Variants in PIK3R3 observed in about 807,000 individuals in gnomAD.
PIK3R3 encodes the protein phosphatidylinositol 3-kinase regulatory subunit gamma.
PIK3R3 carries 64 observed loss-of-function variants against 62.9 expected under a neutral mutation model. The observed-to-expected ratio is 1.02, with a 90% CI of 0.83 to 1.25. The LOEUF (loss-of-function observed/expected upper bound fraction) is 1.25. Among genes scored for constraint, PIK3R3 ranks in the 50% most tolerant of loss-of-function variants. The pLI is 0.00. For missense variants in PIK3R3, 614 were observed against 561.6 expected, an observed-to-expected ratio of 1.09 and a Z score of -0.94; for synonymous variants, 165 against 189.0, an observed-to-expected ratio of 0.87 and a Z score of 1.04.
In PIK3R3 at chr1:46,045,913, C is replaced by T. The variant is rs1647103256; in HGVS notation, c.1187+5G>A. ...CAAAAGGTTATATCCCCAGAGAAGACTTACACCACAGAGCAAGCATAGCAT... is the reference window on the plus strand; with the variant it reads ...CAAAAGGTTATATCCCCAGAGAAGATTTACACCACAGAGCAAGCATAGCAT... On this transcript the variant is annotated splice_donor_5th_base_variant and intron_variant, in intron 9 of 9. Coordinates refer to ENST00000262741, the MANE Select transcript of PIK3R3 (RefSeq NM_003629.4). The T allele has an allele frequency of 6.2e-7, 1 of 1,610,520 alleles. No individual in the cohort carries two copies. Among genetic ancestry groups the T allele is most frequent in the Non-Finnish European group, 8.5e-7 (1 of 1,177,218 alleles).
At chr1:46,173,874 C>A in the PIK3R3 span, among the ~76,000 whole-genome samples, 1 of 152,176 alleles carries the variant, frequency 6.6e-6, no homozygotes, top group Non-Finnish European at 1.5e-5. Flanking sequence ...CATGCACACA[C>A]ACATACTACA....
At chr1:46,104,107 T>C (rs974171302) in intron 1 of PIK3R3, among the ~76,000 whole-genome samples, 14 of 151,976 alleles carry the variant, frequency 9.2e-5, no homozygotes, top group African/African-American at 3.4e-4. Context: ...TTTGTATTTT[T>C]AGTAGAGGCA....
intron 6 of PIK3R3, among the ~76,000 whole-genome samples, chr1:46,060,898 A>G (rs891963710): frequency 2.0e-5 from 3 of 152,240 alleles, no homozygotes; most frequent in African/African-American, 7.2e-5. Flanking sequence ...TATCCACTTT[A>G]GCACTCAACC....
the PIK3R3 span, among the ~76,000 whole-genome samples, chr1:46,149,827 G>A: frequency 2.0e-5 from 3 of 152,066 alleles, no homozygotes; most frequent in East Asian, 1.9e-4. Flanking sequence ...CTCCGCACCC[G>A]GCCAAGAAGT....
chr1:46,174,678 C>T, the PIK3R3 span, among the ~76,000 whole-genome samples: 1 of 152,124 alleles, frequency 6.6e-6, no homozygotes, highest in Non-Finnish European at 1.5e-5. Context: ...CCACAGAAAC[C>T]CGGTTACAGC....
intron 7 of PIK3R3, among the ~76,000 whole-genome samples, chr1:46,048,957 C>T (rs1251027073): frequency 3.9e-5 from 6 of 152,010 alleles, no homozygotes; most frequent in African/African-American, 1.5e-4. Context: ...TTAATGTTAT[C>T]GAATCATGCA....
intron 5 of PIK3R3, among the ~76,000 whole-genome samples, chr1:46,065,782 T>C (rs1056613485): frequency 6.6e-6 from 1 of 152,242 alleles, no homozygotes; most frequent in Non-Finnish European, 1.5e-5. Context: ...CTAACACCCC[T>C]GTAGTGCCTA....
chr1:46,159,129 A>T, the PIK3R3 span, among the ~76,000 whole-genome samples: 2 of 151,774 alleles, frequency 1.3e-5, no homozygotes, highest in Non-Finnish European at 2.9e-5. Flanking sequence ...ATAAAATAAA[A>T]TGGCAAATAA....
At chr1:46,061,107 G>A (rs1183918314) in intron 6 of PIK3R3, among the ~76,000 whole-genome samples, 1 of 152,090 alleles carries the variant, frequency 6.6e-6, no homozygotes, top group Non-Finnish European at 1.5e-5. Context: ...ATAATCAGCT[G>A]CCTGCCCCCT....
chr1:46,153,518 C>T, the PIK3R3 span, among the ~76,000 whole-genome samples: 5,211 of 152,316 alleles, frequency 0.034, 294 homozygotes, highest in African/African-American at 0.12. Context: ...GCTGCTGCCA[C>T]CTCTGCTGAT....
the PIK3R3 span, among the ~76,000 whole-genome samples, chr1:46,155,347 A>G: frequency 6.6e-6 from 1 of 151,828 alleles, no homozygotes; most frequent in Non-Finnish European, 1.5e-5. Flanking sequence ...GAAAAAAAAA[A>G]ACAAAAAACA....
At chr1:46,122,536 T>C (rs1413855561) in intron 1 of PIK3R3, among the ~76,000 whole-genome samples, 1 of 152,038 alleles carries the variant, frequency 6.6e-6, no homozygotes, top group Non-Finnish European at 1.5e-5. Context: ...CCTGGCTAAT[T>C]TTTTTATTTT....
intron 1 of PIK3R3, among the ~76,000 whole-genome samples, chr1:46,099,402 T>G (rs1044223427): frequency 6.6e-6 from 1 of 152,192 alleles, no homozygotes; most frequent in African/African-American, 2.4e-5. Context: ...AAGGTTGGTT[T>G]TCCCTCAGGC....
chr1:46,073,825 G>A lies in PIK3R3; in HGVS notation c.314+3690C>T, dbSNP rs188386965. 3.2e-3 allele frequency among the ~76,000 whole-genome samples: 465 copies of A among 147,454 alleles called. 6 individuals are homozygous for A. The highest frequency in any genetic ancestry group is 0.03 in the East Asian group (146 of 4,872). On this transcript the variant is annotated intron_variant, in intron 3 of 9. Coordinates refer to ENST00000262741, the MANE Select transcript of PIK3R3 (RefSeq NM_003629.4). ...TTTTTTTAGTATTTTTAGTAGAGAC[G>A]GGGTTTCACCATGTTGGCCAGGCTA...
intron 1 of PIK3R3, among the ~76,000 whole-genome samples, chr1:46,087,753 C>A (rs1651228402): frequency 6.6e-6 from 1 of 152,062 alleles, no homozygotes; most frequent in Admixed American, 6.6e-5. Context: ...CACCTTATCA[C>A]TTCTCAGTGA....
At chr1:46,132,967 C>A, upstream of PIK3R3, 3 of 1,103,206 alleles carry the variant, frequency 2.7e-6, no homozygotes, top group Non-Finnish European at 3.3e-6. Context: ...CGGGAGCACG[C>A]GAGCCAGGCG....
the PIK3R3 span, among the ~76,000 whole-genome samples, chr1:46,139,911 T>G: frequency 6.6e-6 from 1 of 152,160 alleles, no homozygotes; most frequent in African/African-American, 2.4e-5. Context: ...TGGTTGGTGT[T>G]TCTGCTGAGT....
At chr1:46,047,259 GA>G (rs1647138980) in intron 7 of PIK3R3, 1 of 152,190 alleles carries the variant, frequency 6.6e-6, no homozygotes, top group Non-Finnish European at 1.5e-5. Flanking sequence ...CCAACATAGT[GA>G]AACCCCGTTT....
chr1:46,170,456 C>T, the PIK3R3 span, among the ~76,000 whole-genome samples: 3 of 152,054 alleles, frequency 2.0e-5, no homozygotes, highest in South Asian at 2.1e-4. Context: ...GTCTAGCTCT[C>T]GTCCCCCAGG....
Sources: allele counts gnomAD v4.1 joint callset (sites outside exome capture counted in the v4.1 genomes callset), GRCh38; gene constraint gnomAD v4.1.1; transcripts MANE v1.5; gene names NCBI Gene and HGNC (gene_info 2026-07-23, HGNC 2026-07-21).